DOK7: variants seen among roughly 807,000 people sequenced by gnomAD.
DOK7 encodes docking protein 7, also known as protein Dok-7.
A neutral mutation model predicts 30.7 loss-of-function variants in DOK7; 32 were observed. The ratio of observed to expected loss-of-function variants is 1.04; its 90% CI spans 0.79 to 1.40. The LOEUF (loss-of-function observed/expected upper bound fraction) is 1.40. DOK7 is among the 40% of genes most tolerant of loss of function. The pLI is 0.00. For missense variants in DOK7, 1,007 were observed against 699.2 expected (o/e 1.44, Z -4.97); for synonymous variants, 447 against 324.1 (o/e 1.38, Z -4.07).
intron 2 of DOK7, among the ~76,000 whole-genome samples, chr4:3,469,581 G>C (rs1726633761): frequency 6.6e-6 from 1 of 152,118 alleles, no homozygotes; most frequent in African/African-American, 2.4e-5. Context: ...CTCTGGGCCT[G>C]GCGCCCGGGG....
downstream of DOK7, among the ~76,000 whole-genome samples, chr4:3,499,113 A>C (rs754002663): frequency 2.0e-5 from 3 of 152,290 alleles, no homozygotes; most frequent in African/African-American, 7.2e-5. Context: ...GCGGGTGGCC[A>C]CAGGAGAACC....
rs145862647 is a variant in DOK7, at chr4:3,492,853, G to C, written c.867G>C (p.Ser289=). 1.1e-5 allele frequency: 17 copies of C among 1,610,718 alleles called. No homozygotes were observed. In the African/African-American group the frequency reaches 1.6e-4, roughly 15 times the overall value. ...TCACCGCATGGCCAGAGCAATCCTC[G>C]TCGTCAGCCAGCACGTCACAGGAGG... ...SRLTAWPEQS[S]SSASTSQEGP... is the part of the protein sequence containing the mutation. Residue 289 remains serine, a synonymous_variant, in exon 7 of 7, where the codon TCG becomes TCC. Transcript: ENST00000340083.
At chr4:3,500,797 T>G (rs1448494296) in exon 8 of DOK7, 2 of 1,533,096 alleles carry the variant, frequency 1.3e-6, no homozygotes, top group Non-Finnish European at 1.7e-6. Flanking sequence ...CTGTCGGAGC[T>G]GGAGCAGAGG....
intron 5 of DOK7, among the ~76,000 whole-genome samples, chr4:3,489,298 C>A (rs143297015): frequency 6.6e-5 from 10 of 152,174 alleles, no homozygotes; most frequent in Non-Finnish European, 1.5e-4. Flanking sequence ...GGGCAGGCAG[C>A]CCCTCTTGCA....
intron 6 of DOK7, among the ~76,000 whole-genome samples, chr4:3,499,677 G>A (rs2699410): frequency 0.33 from 49,650 of 151,512 alleles, 8,377 homozygotes; most frequent in South Asian, 0.49. Context: ...CTATGAGGGG[G>A]GAGAGGGTGT....
At chr4:3,483,327 G>C (rs6848329) in intron 4 of DOK7, among the ~76,000 whole-genome samples, 21 of 136,910 alleles carry the variant, frequency 1.5e-4, no homozygotes, top group Admixed American at 1.5e-3. Context: ...CCCAAGACCG[G>C]GGGGGGCTGG....
chr4:3,498,369 GAACATTC>G (rs527851531), downstream of DOK7, among the ~76,000 whole-genome samples: 207 of 152,192 alleles, frequency 1.4e-3, no homozygotes, highest in Non-Finnish European at 2.5e-3. Context: ...GTGGTGTTGG[GAACATTC>G]GTCCCCTTTC....
At chr4:3,488,166 G>A (rs1320213142) in intron 5 of DOK7, among the ~76,000 whole-genome samples, 1 of 152,230 alleles carries the variant, frequency 6.6e-6, no homozygotes, top group Non-Finnish European at 1.5e-5. Flanking sequence ...CTACAGACAG[G>A]GCCACAGGGT....
chr4:3,493,352 A>AT lies in DOK7; in HGVS notation c.1367dup (p.Met456IlefsTer63). The AT allele has an allele frequency of 1.3e-6, 2 of 1,598,696 alleles. No homozygotes were observed. The highest frequency in any genetic ancestry group is 1.7e-6 in the Non-Finnish European group (2 of 1,172,956). On this transcript the variant is annotated frameshift_variant, in exon 7 of 7. Transcript: ENST00000340083. LOFTEE classifies it high-confidence loss of function. ...GGGCACGAGACGGCGGGGCCTGGTG[A>AT]TGGAGGCCCCCCAGGGCAGCGAGGC...
At position 3,479,754 on chromosome 4, in the gene DOK7, T is replaced by C. The variant is rs893134827; in HGVS notation, c.532+3212T>C. ...GACAGGCCTGGCTGGTCTTGGTGCC[T>C]GGGGGGCAGAGGTCTCTCTGTGGAC... On this transcript the variant is annotated intron_variant, in intron 4 of 6. Coordinates refer to ENST00000340083, the MANE Select transcript of DOK7 (RefSeq NM_173660.5). Among the ~76,000 whole-genome samples, 5 of 151,864 alleles carry C rather than the reference T, an allele frequency of 3.3e-5. No individual in the cohort carries two copies. The South Asian group carries it at 1.0e-3, about 32-fold the overall frequency.
Position 3,493,047 on chromosome 4 carries a change from C to G in DOK7, c.1061C>G (p.Ser354Cys). 1 of 1,573,498 alleles carries G rather than the reference C, an allele frequency of 6.4e-7. No homozygotes were observed. Among genetic ancestry groups the G allele is most frequent in the Non-Finnish European group, 8.6e-7 (1 of 1,164,402 alleles). ...SHSSYSSSLS[S>C]YAGSSLDVWR... ...TCCTCTTACTCCAGCAGCCTCTCGT[C>G]CTACGCGGGCAGCAGCCTGGACGTG... Residue 354 changes from serine (S) to cysteine (C), a missense_variant, in exon 7 of 7, where the codon TCC (serine) becomes TGC (cysteine). Transcript: ENST00000340083.
At chr4:3,476,240 C>CATAGGTT in intron 3 of DOK7, 102 bp from the exon 4 acceptor site, 2 of 657,048 alleles carry the variant, frequency 3.0e-6, no homozygotes, top group Admixed American at 3.6e-5. Flanking sequence ...GCCCGTGATG[C>CATAGGTT]CCTCTCACCC....
intron 2 of DOK7, among the ~76,000 whole-genome samples, chr4:3,467,201 G>A (rs1179341591): frequency 7.2e-6 from 1 of 138,378 alleles, no homozygotes; most frequent in Admixed American, 7.6e-5. Flanking sequence ...CCCCCACTGC[G>A]TCCCCGGCCC....
At chr4:3,497,458 C>G (rs575220836), downstream of DOK7, among the ~76,000 whole-genome samples, 198 of 152,132 alleles carry the variant, frequency 1.3e-3, no homozygotes, top group African/African-American at 4.6e-3. Flanking sequence ...CAGGGTCTCC[C>G]TAGAGAAGCC....
rs1728738624 is a variant in DOK7 at position 3,494,010 on chromosome 4, T to C, written c.*509T>C. 1.0e-6 allele frequency: 1 copy of C among 992,752 alleles called. No individual in the cohort carries two copies. Among genetic ancestry groups the C allele is most frequent in the Non-Finnish European group, 1.2e-6 (1 of 835,208 alleles). The allele number at this position is 992,752 out of a possible 1,614,324, so 61.5% of individuals were successfully genotyped here. ...CAGCCCAGCCCCCCTGGGCTCCGTG[T>C]GCGCTGGGCCTCATCCCCATCTATG... is the stretch of plus-strand genomic sequence containing the variant. On this transcript the variant is annotated 3_prime_UTR_variant, in exon 7 of 7. Coordinates refer to ENST00000340083, the MANE Select transcript of DOK7 (RefSeq NM_173660.5).
intron 4 of DOK7, among the ~76,000 whole-genome samples, chr4:3,480,076 C>T (rs557964462): frequency 5.3e-5 from 8 of 152,262 alleles, no homozygotes; most frequent in African/African-American, 1.7e-4. Context: ...GCAGCACAGA[C>T]GGTGGTGGGC....
chr4:3,481,566 A>G (rs996400239), intron 4 of DOK7, among the ~76,000 whole-genome samples: 10 of 151,904 alleles, frequency 6.6e-5, no homozygotes, highest in African/African-American at 9.7e-5. Context: ...AGGTGGGGCC[A>G]CTCCCAAGTG....
intron 6 of DOK7, among the ~76,000 whole-genome samples, chr4:3,492,398 G>GA (rs1468795978): frequency 1.4e-5 from 2 of 146,824 alleles, no homozygotes; most frequent in African/African-American, 4.9e-5. Context: ...GGTGGCCCTG[G>GA]AAGGTAGTCG....
chr4:3,487,661 C>T (rs746737653), intron 5 of DOK7, among the ~76,000 whole-genome samples: 6 of 152,132 alleles, frequency 3.9e-5, no homozygotes, highest in Non-Finnish European at 7.4e-5. Flanking sequence ...ATTTTGCAGA[C>T]GAGGGTGAGA....
Sources: gnomAD v4.1 joint callset for allele counts (sites outside exome capture counted in the v4.1 genomes callset) on GRCh38, gnomAD v4.1.1 for gene constraint, MANE v1.5 for transcripts, NCBI Gene and HGNC (gene_info 2026-07-23, HGNC 2026-07-21) for gene names.